The following PARG variants were observed in gnomAD, a reference collection of about 807,000 sequenced individuals.
The protein encoded by PARG is mitochondrial poly(ADP-ribose) glycohydrolase.
Under a neutral mutation model 113.0 loss-of-function variants are expected in PARG, and 35 were observed. That is an observed-to-expected ratio of 0.31 (90% confidence interval 0.24 to 0.41). PARG has a LOEUF of 0.41. PARG is among the 10% of genes least tolerant of loss of function. PARG has a pLI of 1.00. For synonymous variants in PARG, 330 were observed against 409.9 expected (o/e 0.81, Z 2.36); for missense variants, 797 against 1,169.4 (o/e 0.68, Z 4.64).
At chr10:49,901,032 T>C (rs2132744072) in intron 7 of PARG, among the ~76,000 whole-genome samples, 1 of 151,962 alleles carries the variant, frequency 6.6e-6, no homozygotes, top group African/African-American at 2.4e-5. Context: ...ACTTCAATCT[T>C]TTATTATAGT....
chr10:49,893,754 C>T (rs574954737), intron 7 of PARG, among the ~76,000 whole-genome samples: 11 of 151,372 alleles, frequency 7.3e-5, no homozygotes, highest in African/African-American at 1.9e-4. Flanking sequence ...GGTGCAGTGG[C>T]GCGATCTTGG....
At chr10:49,833,108 GA>G (rs1348074920) in intron 15 of PARG, 200 bp from the exon 16 acceptor site, 45 of 374,882 alleles carry the variant, frequency 1.2e-4, no homozygotes, top group Non-Finnish European at 1.4e-5. Context: ...AAGAGACTAA[GA>G]AATGATAAAT....
intron 7 of PARG, among the ~76,000 whole-genome samples, chr10:49,899,852 T>TA (rs1436498474): frequency 2.0e-5 from 3 of 152,200 alleles, no homozygotes; most frequent in Non-Finnish European, 4.4e-5. Context: ...TCAAAGTGTT[T>TA]ATGACTCAAA....
chr10:49,837,923 T>C lies in PARG; in HGVS notation c.2541+4027A>G, dbSNP rs146585337. On this transcript the variant is annotated intron_variant, in intron 15 of 17. Coordinates refer to ENST00000616448, the MANE Select transcript of PARG (RefSeq NM_003631.5). ...ACCCTCAAATTTCCTTGAAAAACTA[T>C]ATCAAACAGAAAAGCCATATTGAGA... Among the ~76,000 whole-genome samples the C allele has an allele frequency of 7.7e-4, 118 of 152,272 alleles. 1 individual carries two copies. Among genetic ancestry groups the C allele is most frequent in the Middle Eastern group, 3.4e-3 (1 of 294 alleles).
chr10:49,885,031 CTT>C (rs1389771299), intron 8 of PARG, among the ~76,000 whole-genome samples, 170 bp downstream of exon 8: 7 of 151,206 alleles, frequency 4.6e-5, no homozygotes, highest in African/African-American at 9.7e-5. Flanking sequence ...TTACTATACT[CTT>C]TGGCAAAAAC....
intron 1 of PARG, among the ~76,000 whole-genome samples, chr10:49,939,484 A>G (rs1323401149): frequency 6.6e-6 from 1 of 152,184 alleles, no homozygotes; most frequent in Non-Finnish European, 1.5e-5. Flanking sequence ...TATATTTCTT[A>G]CTCTGTGTAC....
At chr10:49,870,627 G>A (rs1439067412) in intron 9 of PARG, among the ~76,000 whole-genome samples, 1 of 152,014 alleles carries the variant, frequency 6.6e-6, no homozygotes, top group Non-Finnish European at 1.5e-5. Context: ...TATGACCTGA[G>A]TAAGTAGCTC....
intron 12 of PARG, among the ~76,000 whole-genome samples, chr10:49,859,554 A>G (rs1346801711): frequency 1.3e-5 from 2 of 152,268 alleles, no homozygotes; most frequent in African/African-American, 4.8e-5. Context: ...CTAAAAGTAT[A>G]ATGATATTGT....
chr10:49,910,593 A>T (rs1160230907), intron 7 of PARG, among the ~76,000 whole-genome samples: 1 of 152,066 alleles, frequency 6.6e-6, no homozygotes, highest in Non-Finnish European at 1.5e-5. Context: ...ATGAAACGAA[A>T]GGCTTATACA....
chr10:49,890,131 T>C (rs573519870), intron 7 of PARG, among the ~76,000 whole-genome samples: 2 of 152,318 alleles, frequency 1.3e-5, no homozygotes, highest in East Asian at 1.9e-4. Context: ...ATGATGATTA[T>C]AAGGGAGGTA....
intron 15 of PARG, among the ~76,000 whole-genome samples, chr10:49,836,571 T>C (rs1554831151): frequency 6.6e-6 from 1 of 152,182 alleles, no homozygotes; most frequent in Non-Finnish European, 1.5e-5. Flanking sequence ...ATGTATTTAA[T>C]TGTTATTCTG....
intron 7 of PARG, 147 bp from the exon 8 acceptor site, chr10:49,885,442 T>C: frequency 1.6e-6 from 1 of 619,796 alleles, no homozygotes; most frequent in Non-Finnish European, 2.9e-6. Context: ...CAAACACATG[T>C]ACAAATGCAT....
At chr10:49,884,993 C>T (rs1330894347) in intron 8 of PARG, among the ~76,000 whole-genome samples, 2 of 150,382 alleles carry the variant, frequency 1.3e-5, no homozygotes, top group African/African-American at 4.9e-5. Flanking sequence ...ACTCTCTACC[C>T]TCTAACCTTT....
At chr10:49,941,232 A>G (rs1353244503) in intron 1 of PARG, among the ~76,000 whole-genome samples, 9 of 152,082 alleles carry the variant, frequency 5.9e-5, no homozygotes, top group Non-Finnish European at 1.0e-4. Flanking sequence ...GACTAAGGCA[A>G]TTTCTCAATC....
At chr10:49,896,424 A>G (rs1329301998) in intron 7 of PARG, among the ~76,000 whole-genome samples, 1 of 152,148 alleles carries the variant, frequency 6.6e-6, no homozygotes, top group Non-Finnish European at 1.5e-5. Flanking sequence ...AGCTGGGACT[A>G]CAGGTGCATG....
intron 4 of PARG, among the ~76,000 whole-genome samples, chr10:49,931,782 G>A (rs1589010318): frequency 6.6e-6 from 1 of 151,222 alleles, no homozygotes; most frequent in Non-Finnish European, 1.5e-5. Flanking sequence ...GACGAATGCA[G>A]GATTCTGCAG....
intron 17 of PARG, among the ~76,000 whole-genome samples, 178 bp downstream of exon 17, chr10:49,819,987 C>T (rs1843991598): frequency 6.6e-6 from 1 of 152,182 alleles, no homozygotes; most frequent in Non-Finnish European, 1.5e-5. Context: ...GTGGATGAAA[C>T]TCTGCCAGAA....
chr10:49,889,750 G>C (rs2132674968), intron 7 of PARG, among the ~76,000 whole-genome samples: 1 of 152,304 alleles, frequency 6.6e-6, no homozygotes, highest in Non-Finnish European at 1.5e-5. Flanking sequence ...ACTGACATGA[G>C]TGGCTACTGC....
chr10:49,819,199 T>C lies in PARG; in HGVS notation c.*141A>G. The C allele has an allele frequency of 3.1e-6, 2 of 644,206 alleles. No homozygotes were observed. The highest frequency in any genetic ancestry group is 4.4e-5 in the South Asian group (2 of 45,380). 39.9% of individuals were successfully genotyped at this position (644,206 alleles called of 1,614,324 possible). On this transcript the variant is annotated 3_prime_UTR_variant, in exon 18 of 18. Coordinates refer to ENST00000616448, the MANE Select transcript of PARG (RefSeq NM_003631.5). ...GTACCAACTGACAACTGCACATGTG[T>C]GGAAGAGATTGCGTCCTTGACTACA...
Sources: allele counts gnomAD v4.1 joint callset (sites outside exome capture counted in the v4.1 genomes callset), GRCh38; gene constraint gnomAD v4.1.1; transcripts MANE v1.5; gene names NCBI Gene and HGNC (gene_info 2026-07-23, HGNC 2026-07-21).